The following ANXA6 variants were observed in gnomAD, a reference collection of about 807,000 sequenced individuals.
ANXA6 encodes annexin A6.
ANXA6 carries 71 observed loss-of-function variants against 95.4 expected under a neutral mutation model. The ratio of observed to expected loss-of-function variants is 0.74; its 90% confidence interval spans 0.61 to 0.91. The LOEUF is 0.91. ANXA6 is among the 40% of genes least tolerant of loss of function. ANXA6 has a pLI of 0.00. For synonymous variants in ANXA6, 289 were observed against 315.9 expected, an observed-to-expected ratio of 0.91 and a Z score of 0.90; for missense variants, 830 against 876.4, an observed-to-expected ratio of 0.95 and a Z score of 0.67.
intron 7 of ANXA6, among the ~76,000 whole-genome samples, chr5:151,135,415 TGG>T (rs1363777155): frequency 2.0e-5 from 3 of 152,168 alleles, no homozygotes; most frequent in African/African-American, 4.8e-5. Flanking sequence ...CTGGTTAATA[TGG>T]GATTGTTATG....
intron 2 of ANXA6, among the ~76,000 whole-genome samples, chr5:151,146,020 A>G (rs983396915): frequency 2.0e-5 from 3 of 152,036 alleles, no homozygotes; most frequent in Non-Finnish European, 4.4e-5. Flanking sequence ...CTGTGCATGG[A>G]GGGTGCCAAC....
At chr5:151,148,382 A>G (rs574369922) in intron 1 of ANXA6, among the ~76,000 whole-genome samples, 3 of 152,316 alleles carry the variant, frequency 2.0e-5, no homozygotes, top group East Asian at 3.9e-4. Context: ...AGTCTATACT[A>G]TCTGCACCAT....
At chr5:151,145,624 T>C (rs1403453514) in intron 2 of ANXA6, among the ~76,000 whole-genome samples, 1 of 152,184 alleles carries the variant, frequency 6.6e-6, no homozygotes, top group East Asian at 1.9e-4. Context: ...CACGTGTGTA[T>C]ACATGCATGC....
intron 13 of ANXA6, 42 bp from the exon 14 acceptor site, chr5:151,126,522 A>T: frequency 1.3e-6 from 2 of 1,488,312 alleles, no homozygotes; most frequent in Non-Finnish European, 1.8e-6. Flanking sequence ...AAGGAATGTC[A>T]TCATGGGCAA....
intron 9 of ANXA6, 113 bp from the exon 10 acceptor site, chr5:151,132,684 G>T: frequency 1.2e-6 from 1 of 845,790 alleles, no homozygotes; most frequent in Non-Finnish European, 1.8e-6. Context: ...CCACCATGAA[G>T]CTAGGGCTGG....
intron 20 of ANXA6, among the ~76,000 whole-genome samples, chr5:151,111,470 G>A (rs1272100249): frequency 6.6e-6 from 1 of 152,230 alleles, no homozygotes; most frequent in African/African-American, 2.4e-5. Context: ...AATTGGCAAT[G>A]TCCGTTAAAA....
intron 2 of ANXA6, 37 bp from the exon 3 acceptor site, chr5:151,140,280 C>T (rs749219315): frequency 2.7e-5 from 42 of 1,579,820 alleles, no homozygotes; most frequent in Admixed American, 2.5e-4. Context: ...CTGCCAACCC[C>T]GGACTGAGAC....
chr5:151,122,133 G>A lies in ANXA6; in HGVS notation c.1347+14C>T, dbSNP rs1430036118. On this transcript the variant is annotated intron_variant, in intron 17 of 25. Transcript: ENST00000354546. ...GCACCCGCAGACACTAGACCCCCTG[G>A]TGCCACACTGTACCTCCATGGCCTT... is the stretch of plus-strand genomic sequence containing the variant. The A allele has an allele frequency of 1.3e-6, 2 of 1,548,672 alleles. No individual in the cohort carries two copies. Among genetic ancestry groups the A allele is most frequent in the East Asian group, 4.7e-5 (2 of 42,146 alleles).
intron 25 of ANXA6, 39 bp downstream of exon 25, chr5:151,103,531 C>A: frequency 6.3e-7 from 1 of 1,585,742 alleles, no homozygotes; most frequent in Non-Finnish European, 8.6e-7. Flanking sequence ...GGATCTGACA[C>A]TCACCCGCTT....
chr5:151,113,320 T>G (rs948721982), intron 20 of ANXA6, among the ~76,000 whole-genome samples: 27 of 152,288 alleles, frequency 1.8e-4, no homozygotes, highest in African/African-American at 6.5e-4. Flanking sequence ...GAGAATCACT[T>G]GAATCCGGGA....
At chr5:151,142,156 C>T (rs949411202) in intron 2 of ANXA6, among the ~76,000 whole-genome samples, 1 of 152,218 alleles carries the variant, frequency 6.6e-6, no homozygotes, top group East Asian at 1.9e-4. Context: ...AAAAGCACAG[C>T]AGGCAATATT....
chr5:151,124,307 G>T lies in ANXA6; in HGVS notation c.1117C>A (p.Arg373=), dbSNP rs1249929192. The part of the protein sequence containing the change: ...FNPDADAKAL[R]KAMKGLGTDE... ...ATACCGAGTCCCTTCATGGCTTTCC[G>T]CAGCGCTTTGGCATCTGCGTCAGGG... The change falls in exon 15 of 26, where the codon CGG becomes AGG. Residue 373 remains arginine, a synonymous_variant. Transcript: ENST00000354546. 2 of 1,613,564 alleles carry T rather than the reference G, an allele frequency of 1.2e-6. No homozygotes were observed. Among genetic ancestry groups the T allele is most frequent in the Non-Finnish European group, 1.7e-6 (2 of 1,179,778 alleles).
chr5:151,128,535 C>T (rs1035215165), intron 12 of ANXA6, among the ~76,000 whole-genome samples: 1 of 152,180 alleles, frequency 6.6e-6, no homozygotes, highest in Non-Finnish European at 1.5e-5. Flanking sequence ...AAGAGATGCT[C>T]GCTGCCCTTT....
In ANXA6 at chr5:151,133,189, T is replaced by C; in HGVS notation, c.547-2A>G. ...CAGTTCCCCTGCCTCGTATAGGTCCTGAAGGGGAAGAGGTGGCACTTGACT... is the reference window on the plus strand; with the variant it reads ...CAGTTCCCCTGCCTCGTATAGGTCCCGAAGGGGAAGAGGTGGCACTTGACT... On this transcript the variant is annotated splice_acceptor_variant, in intron 8 of 25. Coordinates refer to ENST00000354546, the MANE Select transcript of ANXA6 (RefSeq NM_001155.5). LOFTEE classifies it high-confidence loss of function. 6.4e-7 allele frequency: 1 copy of C among 1,574,118 alleles called. No homozygotes were observed. The highest frequency in any genetic ancestry group is 8.6e-7 in the Non-Finnish European group (1 of 1,158,356).
chr5:151,108,490 ATC>A lies in ANXA6; in HGVS notation c.1743_1744del (p.Glu581AspfsTer38). The stretch of plus-strand genomic sequence containing the variant: ...AAATGCATCCCTGACATCCCCAGAC[ATC>A]TCCTTCTTGATGGTGTGCTCCACGT... On this transcript the variant is annotated frameshift_variant, in exon 23 of 26. Coordinates refer to ENST00000354546, the MANE Select transcript of ANXA6 (RefSeq NM_001155.5). LOFTEE classifies it high-confidence loss of function. 6.2e-7 allele frequency: 1 copy of A among 1,613,928 alleles called. No individual in the cohort carries two copies. Among genetic ancestry groups the A allele is most frequent in the Non-Finnish European group, 8.5e-7 (1 of 1,179,880 alleles).
At chr5:151,151,820 G>A (rs1008092613) in intron 1 of ANXA6, among the ~76,000 whole-genome samples, 3 of 152,180 alleles carry the variant, frequency 2.0e-5, no homozygotes, top group African/African-American at 7.2e-5. Flanking sequence ...AGTAAACAGG[G>A]TCATTCCAGA....
chr5:151,155,823 T>C (rs948131437), intron 1 of ANXA6: 2 of 152,564 alleles, frequency 1.3e-5, no homozygotes, highest in Admixed American at 6.5e-5. Context: ...GGGTAGTAGG[T>C]GTGCCCAGGG....
intron 21 of ANXA6, 33 bp from the exon 22 acceptor site, chr5:151,109,879 AG>A (rs766828960): frequency 2.0e-5 from 30 of 1,475,748 alleles, no homozygotes; most frequent in Non-Finnish European, 2.8e-5. Context: ...AGGATTTGGG[AG>A]GGGAGACATG....
chr5:151,145,589 C>A (rs6871624), intron 2 of ANXA6, among the ~76,000 whole-genome samples: 2 of 152,042 alleles, frequency 1.3e-5, no homozygotes, highest in Non-Finnish European at 2.9e-5. Flanking sequence ...CCAGAGAAGA[C>A]GGAGCAGTTT....
Sources: allele counts gnomAD v4.1 joint callset (sites outside exome capture counted in the v4.1 genomes callset), GRCh38; gene constraint gnomAD v4.1.1; transcripts MANE v1.5; gene names NCBI Gene and HGNC (gene_info 2026-07-23, HGNC 2026-07-21).